CD200: variants seen among roughly 807,000 people sequenced by gnomAD.
The protein encoded by CD200 is OX-2 membrane glycoprotein.
Under a neutral mutation model 30.9 loss-of-function variants are expected in CD200, and 15 were observed. The ratio of observed to expected loss-of-function variants is 0.49; its 90% CI spans 0.32 to 0.75. CD200 has a LOEUF of 0.75. CD200 is among the 30% of genes least tolerant of loss of function. The pLI is 0.03. For synonymous variants in CD200, 134 were observed against 126.2 expected, an observed-to-expected ratio of 1.06 and a Z score of -0.41; for missense variants, 262 against 324.2, an observed-to-expected ratio of 0.81 and a Z score of 1.47.
intron 1 of CD200, chr3:112,335,730 A>T (rs371108552): frequency 1.8e-6 from 1 of 553,324 alleles, no homozygotes; most frequent in African/African-American, 1.9e-5. Context: ...GGAGATAGTG[A>T]TGGAGACTCC....
At chr3:112,357,671 T>A (rs1319648822) in intron 5 of CD200, among the ~76,000 whole-genome samples, 1 of 152,216 alleles carries the variant, frequency 6.6e-6, no homozygotes, top group East Asian at 1.9e-4. Context: ...TGAATCTGTT[T>A]GGACACATGG....
At chr3:112,340,574 T>C (rs2081215929) in intron 1 of CD200, among the ~76,000 whole-genome samples, 1 of 152,212 alleles carries the variant, frequency 6.6e-6, no homozygotes. Context: ...CAGCATTTTC[T>C]GTATTTATTT....
chr3:112,352,881 GAC>G (rs2081560308), intron 5 of CD200, among the ~76,000 whole-genome samples: 1 of 152,186 alleles, frequency 6.6e-6, no homozygotes, highest in Non-Finnish European at 1.5e-5. Context: ...CAGAGAGCAT[GAC>G]GTTGGTTTTT....
In CD200 at chr3:112,334,128, GT is replaced by G. The variant is rs1177557056; in HGVS notation, c.12+905del. On this transcript the variant is annotated intron_variant, in intron 1 of 5. Transcript: ENST00000315711. The stretch of plus-strand genomic sequence containing the variant: ...AAGCTAGATGCTGTTAATCTTCTTT[GT>G]AACTATCCTTCTAAAAATGAATTAT... 20 of 985,146 alleles carry G rather than the reference GT, an allele frequency of 2.0e-5. No homozygotes were observed. The African/African-American group carries it at 3.3e-4, about 16-fold the overall frequency. 61.0% of individuals were successfully genotyped at this position (985,146 alleles called of 1,614,324 possible). A position where few individuals can be genotyped will look rare whatever the true frequency, so the allele number is the denominator to read the frequency against.
At position 112,345,194 on chromosome 3, in the gene CD200, G is replaced by A; in HGVS notation, c.327G>A (p.Trp109Ter). The A allele has an allele frequency of 1.9e-6, 3 of 1,614,096 alleles. No homozygotes were observed. The highest frequency in any genetic ancestry group is 2.5e-6 in the Non-Finnish European group (3 of 1,179,966). ...LGLQNSTITF[W>*]NITLEDEGCY... ...TCCAAAACTCAACCATCACCTTCTGGAATATCACCCTGGAGGATGAAGGGT... is the reference window on the plus strand; with the variant it reads ...TCCAAAACTCAACCATCACCTTCTGAAATATCACCCTGGAGGATGAAGGGT... The change falls in exon 3 of 6, where the codon TGG becomes TGA. Residue 109 changes from tryptophan to a stop codon, truncating the protein, a stop_gained. Coordinates refer to ENST00000315711, the MANE Select transcript of CD200 (RefSeq NM_005944.7). LOFTEE classifies it high-confidence loss of function.
intron 5 of CD200, among the ~76,000 whole-genome samples, chr3:112,359,237 G>C (rs2081690633): frequency 6.6e-6 from 1 of 151,946 alleles, no homozygotes; most frequent in African/African-American, 2.4e-5. Flanking sequence ...CTTAATTTAA[G>C]AGCTTTTTTT....
Position 112,347,849 on chromosome 3 carries a change from G to GGTGGCT in CD200, c.694+24_694+29dup, listed in dbSNP as rs766721443. ...AACAAAGGTAAGAGAAAGTGAGCAAGGTGGCTGTGGTTGTGTCTGTGTGCA... is the reference window on the plus strand; with the variant it reads ...AACAAAGGTAAGAGAAAGTGAGCAAGGTGGCTGTGGCTGTGGTTGTGTCTGTGTGCA... On this transcript the variant is annotated intron_variant, in intron 4 of 5. Coordinates refer to ENST00000315711, the MANE Select transcript of CD200 (RefSeq NM_005944.7). 6.8e-6 allele frequency: 11 copies of GGTGGCT among 1,606,646 alleles called. No homozygotes were observed. Among genetic ancestry groups the GGTGGCT allele is most frequent in the Non-Finnish European group, 4.2e-6 (5 of 1,176,992 alleles).
In CD200 at chr3:112,340,949, G is replaced by A; in HGVS notation, c.60G>A (p.Trp20Ter). ...FSHLSTYSLV[W>*]VMAAVVLCTA... ...ATCTGTCTACCTACAGCCTGGTTTG[G>A]GTCATGGCAGCAGTGGTGCTGTGCA... The change falls in exon 2 of 6, where the codon TGG becomes TGA. Residue 20 changes from tryptophan to a stop codon, truncating the protein, a stop_gained. Coordinates refer to ENST00000315711, the MANE Select transcript of CD200 (RefSeq NM_005944.7). LOFTEE classifies it high-confidence loss of function. The A allele has an allele frequency of 6.2e-7, 1 of 1,612,884 alleles. No individual in the cohort carries two copies. Among genetic ancestry groups the A allele is most frequent in the Non-Finnish European group, 8.5e-7 (1 of 1,178,960 alleles).
chr3:112,335,964 G>A lies in CD200; in HGVS notation c.12+2740G>A, dbSNP rs745433261. 2.5e-6 allele frequency: 4 copies of A among 1,611,964 alleles called. No individual in the cohort carries two copies. The South Asian group carries it at 3.3e-5, about 13-fold the overall frequency. On this transcript the variant is annotated intron_variant, in intron 1 of 5. Coordinates refer to ENST00000315711, the MANE Select transcript of CD200 (RefSeq NM_005944.7). The stretch of plus-strand genomic sequence containing the variant: ...ACAGACTCTGACCAGGACAATTGGG[G>A]GCCCTCTCCTTACAGCTACACTCCT...
At chr3:112,343,811 T>C (rs1453537148) in intron 2 of CD200, among the ~76,000 whole-genome samples, 1 of 152,214 alleles carries the variant, frequency 6.6e-6, no homozygotes, top group Non-Finnish European at 1.5e-5. Flanking sequence ...TTTTATCATT[T>C]TGAAAAATAC....
Position 112,344,958 on chromosome 3 carries a change from A to G in CD200, c.95-4A>G. On this transcript the variant is annotated splice_region_variant and splice_polypyrimidine_tract_variant and intron_variant, in intron 2 of 5. Transcript: ENST00000315711. ...AATATAAATGTTCTTTTATGATTCCATAGTGCAAGTGGTGACCCAGGATGA... is the reference window on the plus strand; with the variant it reads ...AATATAAATGTTCTTTTATGATTCCGTAGTGCAAGTGGTGACCCAGGATGA... The G allele has an allele frequency of 1.9e-6, 3 of 1,591,692 alleles. No homozygotes were observed. Among genetic ancestry groups the G allele is most frequent in the East Asian group, 2.2e-5 (1 of 44,722 alleles).
intron 4 of CD200, among the ~76,000 whole-genome samples, chr3:112,348,123 T>G (rs2081443745): frequency 6.6e-6 from 1 of 152,214 alleles, no homozygotes; most frequent in Non-Finnish European, 1.5e-5. Context: ...GGGCCAGACT[T>G]TGAGTTGAAC....
chr3:112,344,798 T>A (rs555292449), intron 2 of CD200, among the ~76,000 whole-genome samples, 164 bp from the exon 3 acceptor site: 39 of 152,372 alleles, frequency 2.6e-4, no homozygotes, highest in African/African-American at 8.9e-4. Flanking sequence ...TTTGAACCTA[T>A]ATATTTCTCT....
rs1576622609 is a variant in CD200, at chr3:112,354,704, C to T, written c.802+4885C>T. 8.5e-5 allele frequency among the ~76,000 whole-genome samples: 13 copies of T among 152,336 alleles called. No individual in the cohort carries two copies. The South Asian group carries it at 2.7e-3, about 32-fold the overall frequency. Reference sequence around the variant, plus strand: ...TCACGCACTTAGCGGCTTAAAACAACACACATGTATTATACTACAGTTCTA... The same window carrying T: ...TCACGCACTTAGCGGCTTAAAACAATACACATGTATTATACTACAGTTCTA... On this transcript the variant is annotated intron_variant, in intron 5 of 5. Coordinates refer to ENST00000315711, the MANE Select transcript of CD200 (RefSeq NM_005944.7).
At chr3:112,333,819 G>A in intron 1 of CD200, 1 of 985,368 alleles carries the variant, frequency 1.0e-6, no homozygotes, top group Non-Finnish European at 1.2e-6. Context: ...GAGCTGAAAT[G>A]CTCTGTGATC....
chr3:112,358,072 TCACACACGCGCA>T (rs2081661641), intron 5 of CD200, among the ~76,000 whole-genome samples: 1 of 152,098 alleles, frequency 6.6e-6, no homozygotes, highest in Non-Finnish European at 1.5e-5. Context: ...CAGGGGGCAT[TCACACACGCGCA>T]CACACACGCA....
chr3:112,354,803 G>T (rs1375820509), intron 5 of CD200, among the ~76,000 whole-genome samples: 1 of 152,208 alleles, frequency 6.6e-6, no homozygotes, highest in African/African-American at 2.4e-5. Context: ...CTTTCTGGAG[G>T]CTCTAGGGGA....
chr3:112,352,508 T>C (rs988790402), intron 5 of CD200, among the ~76,000 whole-genome samples: 28 of 151,280 alleles, frequency 1.9e-4, no homozygotes, highest in African/African-American at 6.6e-4. Flanking sequence ...AATGGTGATG[T>C]GAACAGAAAC....
intron 2 of CD200, among the ~76,000 whole-genome samples, chr3:112,343,024 C>T (rs558740200): frequency 1.3e-5 from 2 of 151,890 alleles, no homozygotes; most frequent in East Asian, 3.9e-4. Flanking sequence ...TATCTTTATT[C>T]ATTTAGTATG....
Sources: allele counts gnomAD v4.1 joint callset (sites outside exome capture counted in the v4.1 genomes callset), GRCh38; gene constraint gnomAD v4.1.1; transcripts MANE v1.5; gene names NCBI Gene and HGNC (gene_info 2026-07-23, HGNC 2026-07-21).